The following LIN28B variants were observed in gnomAD, a reference collection of about 807,000 sequenced individuals.
The protein encoded by LIN28B is protein lin-28 homolog B.
In LIN28B, 5 loss-of-function variants were observed where a neutral mutation model predicts 21.9. The observed-to-expected ratio is 0.23, with a 90% CI of 0.12 to 0.48. The LOEUF (loss-of-function observed/expected upper bound fraction) is 0.48. LIN28B is among the 20% of genes least tolerant of loss of function. The probability of loss-of-function intolerance (pLI) is 0.98; values close to 1 mark genes in which losing one functional copy is unlikely to be tolerated. For missense variants in LIN28B, 245 were observed against 310.5 expected, an observed-to-expected ratio of 0.79 and a Z score of 1.58; for synonymous variants, 109 against 111.3, an observed-to-expected ratio of 0.98 and a Z score of 0.13.
In LIN28B at chr6:104,957,323, CT is replaced by C. The variant is rs1210045992; in HGVS notation, c.10+64del. 5.3e-6 allele frequency: 6 copies of C among 1,139,172 alleles called. No homozygotes were observed. The East Asian group carries it at 1.3e-4, about 24-fold the overall frequency. The allele number at this position is 1,139,172 out of a possible 1,614,324, so 70.6% of individuals were successfully genotyped here. On this transcript the variant is annotated intron_variant, in intron 1 of 3. Coordinates refer to ENST00000345080, the MANE Select transcript of LIN28B (RefSeq NM_001004317.4). ...TTCTTCTTTTCTCCTCCCCCTCCCC[CT>C]CTCCCACCCTTCTTAGACCGTCCCC...
chr6:104,940,966 T>A (rs1267115525), intron 2 of LIN28B: 3 of 150,946 alleles, frequency 2.0e-5, no homozygotes, highest in Non-Finnish European at 4.4e-5. Flanking sequence ...TCACACCCTC[T>A]CCCCCTCTCA....
At chr6:104,937,866 G>A (rs1049181412) in intron 2 of LIN28B, among the ~76,000 whole-genome samples, 4 of 151,974 alleles carry the variant, frequency 2.6e-5, no homozygotes, top group Admixed American at 6.6e-5. Flanking sequence ...AGGCATTGGA[G>A]ATATTAAGAG....
At position 104,997,497 on chromosome 6, in the gene LIN28B, T is replaced by A. The variant is rs544708128; in HGVS notation, c.199-28801T>A. Among the ~76,000 whole-genome samples, 6 of 151,952 alleles carry A rather than the reference T, an allele frequency of 3.9e-5. No individual in the cohort carries two copies. In the South Asian group the frequency reaches 1.0e-3, roughly 26 times the overall value. Reference sequence around the variant, plus strand: ...GAACTGTATCTATATGTATAGTTTCTCAGTTGCCCAATATAATATAGTACC... The same window carrying A: ...GAACTGTATCTATATGTATAGTTTCACAGTTGCCCAATATAATATAGTACC... On this transcript the variant is annotated intron_variant, in intron 2 of 3. Coordinates refer to ENST00000345080, the MANE Select transcript of LIN28B (RefSeq NM_001004317.4).
In LIN28B at chr6:105,082,573, CTT is replaced by C. The variant is rs1298791722; in HGVS notation, c.*3792_*3793del. 6.6e-6 allele frequency: 1 copy of C among 152,602 alleles called. No homozygotes were observed. Among genetic ancestry groups the C allele is most frequent in the African/African-American group, 2.4e-5 (1 of 41,444 alleles). 9.5% of individuals were successfully genotyped at this position (152,602 alleles called of 1,614,324 possible). ...GTATGTACAAGTGCAGCTGCACTGA[CTT>C]TAATTTTCTAGATGTCTTAATGAGA... On this transcript the variant is annotated 3_prime_UTR_variant, in exon 4 of 4. Coordinates refer to ENST00000345080, the MANE Select transcript of LIN28B (RefSeq NM_001004317.4).
intron 2 of LIN28B, among the ~76,000 whole-genome samples, chr6:104,990,873 T>C (rs573288710): frequency 6.6e-6 from 1 of 152,186 alleles, no homozygotes; most frequent in African/African-American, 2.4e-5. Flanking sequence ...GAGCACCGGG[T>C]TGGGGGTAAG....
At chr6:104,970,133 A>G (rs764807448) in intron 2 of LIN28B, among the ~76,000 whole-genome samples, 3 of 152,150 alleles carry the variant, frequency 2.0e-5, no homozygotes, top group Non-Finnish European at 4.4e-5. Flanking sequence ...TATATACTGA[A>G]TTTTGTCCCT....
chr6:104,968,587 A>G (rs925127923), intron 2 of LIN28B, among the ~76,000 whole-genome samples: 1 of 152,168 alleles, frequency 6.6e-6, no homozygotes, highest in Non-Finnish European at 1.5e-5. Flanking sequence ...TAATTTGGTA[A>G]TAACTCTTAA....
Position 104,957,171 on chromosome 6 carries a change from A to G in LIN28B, c.-80A>G. ...TGTGATCGCACAAAATCAAGATGTT[A>G]GATTGATGCAGAAGATCACTCCGTT... is the stretch of plus-strand genomic sequence containing the variant. On this transcript the variant is annotated 5_prime_UTR_variant, in exon 1 of 4. Transcript: ENST00000345080. 1 of 1,613,474 alleles carries G rather than the reference A, an allele frequency of 6.2e-7. No homozygotes were observed. The highest frequency in any genetic ancestry group is 8.5e-7 in the Non-Finnish European group (1 of 1,179,562).
At chr6:104,943,266 A>G (rs889053611) in intron 2 of LIN28B, among the ~76,000 whole-genome samples, 1 of 152,160 alleles carries the variant, frequency 6.6e-6, no homozygotes, top group African/African-American at 2.4e-5. Flanking sequence ...TTACCTGCCT[A>G]AAAGTTTGAT....
chr6:105,079,045 T>C lies in LIN28B; in HGVS notation c.*262T>C, dbSNP rs1772488723. ...GGGAGAGAGCCTGAGTCTGTGTGTG[T>C]ACATGAGGATTTTTATATAGGAATG... On this transcript the variant is annotated 3_prime_UTR_variant, in exon 4 of 4. Coordinates refer to ENST00000345080, the MANE Select transcript of LIN28B (RefSeq NM_001004317.4). 2.7e-6 allele frequency: 1 copy of C among 374,388 alleles called. No individual in the cohort carries two copies. Among genetic ancestry groups the C allele is most frequent in the Non-Finnish European group, 4.8e-6 (1 of 207,038 alleles). 23.2% of individuals were successfully genotyped at this position (374,388 alleles called of 1,614,324 possible).
At chr6:105,003,447 T>A (rs546256793) in intron 2 of LIN28B, among the ~76,000 whole-genome samples, 4 of 152,146 alleles carry the variant, frequency 2.6e-5, no homozygotes, top group South Asian at 2.1e-4. Context: ...ATGGATGAAG[T>A]GGCAAAGGAA....
At position 104,968,178 on chromosome 6, in the gene LIN28B, G is replaced by GT. The variant is rs1324031640; in HGVS notation, c.198+9898dup. 4.6e-5 allele frequency among the ~76,000 whole-genome samples: 7 copies of GT among 152,288 alleles called. No homozygotes were observed. In the East Asian group the frequency reaches 1.2e-3, roughly 25 times the overall value. ...TTCATTTTAGCAAAATTTAAAATAA[G>GT]TTTTTTCCAGTTAATTCTCATTGTT... On this transcript the variant is annotated intron_variant, in intron 2 of 3. Transcript: ENST00000345080.
At chr6:105,034,039 C>T (rs1453997127) in intron 3 of LIN28B, among the ~76,000 whole-genome samples, 1 of 151,712 alleles carries the variant, frequency 6.6e-6, no homozygotes, top group African/African-American at 2.4e-5. Flanking sequence ...AATGTTTTTA[C>T]TCCTTAATAC....
intron 2 of LIN28B, among the ~76,000 whole-genome samples, chr6:104,991,640 A>G (rs981588762): frequency 3.9e-5 from 6 of 152,128 alleles, no homozygotes; most frequent in South Asian, 2.1e-4. Context: ...CAATCTCGGC[A>G]CTTTGGGAGG....
chr6:105,041,151 A>G (rs751282368), intron 3 of LIN28B, among the ~76,000 whole-genome samples: 11 of 151,952 alleles, frequency 7.2e-5, no homozygotes, highest in African/African-American at 1.2e-4. Context: ...GGCTCAAGCA[A>G]TCCTCCCGCC....
intron 3 of LIN28B, among the ~76,000 whole-genome samples, chr6:105,061,943 C>G (rs1772128393): frequency 6.6e-6 from 1 of 151,690 alleles, no homozygotes; most frequent in African/African-American, 2.4e-5. Context: ...GCTCAGTAGT[C>G]TTCGTTTCCA....
chr6:105,046,711 A>G (rs1038571085), intron 3 of LIN28B, among the ~76,000 whole-genome samples: 8 of 152,092 alleles, frequency 5.3e-5, no homozygotes, highest in African/African-American at 1.9e-4. Context: ...TCACCATTCT[A>G]ACTGGTGTGA....
At chr6:105,021,185 G>A (rs1228040427) in intron 2 of LIN28B, among the ~76,000 whole-genome samples, 1 of 151,744 alleles carries the variant, frequency 6.6e-6, no homozygotes, top group Non-Finnish European at 1.5e-5. Context: ...CGTTAATGTT[G>A]CTGCAGAAGA....
chr6:104,946,032 A>T (rs1226442997), intron 2 of LIN28B, among the ~76,000 whole-genome samples: 5 of 152,058 alleles, frequency 3.3e-5, no homozygotes, highest in African/African-American at 4.8e-5. Context: ...GCAGTGCCAA[A>T]AATACTACCC....
Sources: allele counts gnomAD v4.1 joint callset (sites outside exome capture counted in the v4.1 genomes callset), GRCh38; gene constraint gnomAD v4.1.1; transcripts MANE v1.5; gene names NCBI Gene and HGNC (gene_info 2026-07-23, HGNC 2026-07-21).